HLCS: variants seen among roughly 807,000 people sequenced by gnomAD.
HLCS encodes holocarboxylase synthetase, also known as biotin--protein ligase.
In HLCS, 53 loss-of-function variants were observed where a neutral mutation model predicts 75.0. That is an observed-to-expected ratio of 0.71 (90% CI 0.57 to 0.89). The LOEUF (loss-of-function observed/expected upper bound fraction) is 0.89, where lower values mean the gene tolerates loss of function less well. Ranked by LOEUF, HLCS falls within the 40% of genes least tolerant of loss-of-function variation. The probability of loss-of-function intolerance (pLI) is 0.00; values close to 1 mark genes in which losing one functional copy is unlikely to be tolerated. For synonymous variants in HLCS, 431 were observed against 428.6 expected (o/e 1.01, Z -0.07); for missense variants, 966 against 1,074.0 (o/e 0.90, Z 1.41).
intron 6 of HLCS, among the ~76,000 whole-genome samples, chr21:36,797,135 G>C (rs2061050777): frequency 6.6e-6 from 1 of 152,092 alleles, no homozygotes; most frequent in South Asian, 2.1e-4. Flanking sequence ...TCAAAGTGCT[G>C]GGATTACAGG....
At chr21:36,829,553 A>G (rs2062125947) in intron 6 of HLCS, among the ~76,000 whole-genome samples, 2 of 152,246 alleles carry the variant, frequency 1.3e-5, no homozygotes, top group African/African-American at 4.8e-5. Context: ...ATATTAATAT[A>G]CTATACAGAT....
intron 1 of HLCS, among the ~76,000 whole-genome samples, chr21:36,962,927 T>G (rs1043017328): frequency 1.3e-5 from 2 of 152,152 alleles, no homozygotes; most frequent in African/African-American, 2.4e-5. Flanking sequence ...CACCAGGCAG[T>G]TTTTCTTTAC....
intron 6 of HLCS, among the ~76,000 whole-genome samples, chr21:36,778,836 C>G (rs545407810): frequency 6.6e-6 from 1 of 152,300 alleles, no homozygotes; most frequent in South Asian, 2.1e-4. Flanking sequence ...TTCAGTCTGG[C>G]TCCTGGGTCT....
intron 6 of HLCS, among the ~76,000 whole-genome samples, chr21:36,784,374 G>A (rs1017254206): frequency 4.0e-5 from 6 of 149,322 alleles, no homozygotes; most frequent in African/African-American, 1.5e-4. Flanking sequence ...GGAGTGCAGC[G>A]GCACTATCTC....
intron 2 of HLCS, among the ~76,000 whole-genome samples, chr21:36,941,994 C>T (rs1397139929): frequency 6.7e-6 from 1 of 150,274 alleles, no homozygotes; most frequent in East Asian, 2.0e-4. Context: ...GCAATGAGAG[C>T]GAAACTGTCT....
At chr21:36,861,341 G>A (rs974503384) in intron 6 of HLCS, among the ~76,000 whole-genome samples, 8 of 152,062 alleles carry the variant, frequency 5.3e-5, no homozygotes, top group African/African-American at 9.7e-5. Context: ...GGTGCTTCCA[G>A]ATATGGAAAT....
chr21:36,758,264 G>A (rs1217430430), intron 9 of HLCS, among the ~76,000 whole-genome samples: 4 of 151,770 alleles, frequency 2.6e-5, no homozygotes, highest in African/African-American at 4.8e-5. Context: ...GCACCACCAC[G>A]CCCAGCTAAT....
intron 6 of HLCS, among the ~76,000 whole-genome samples, chr21:36,885,070 A>T (rs1187625560): frequency 6.6e-6 from 1 of 152,248 alleles, no homozygotes; most frequent in Admixed American, 6.5e-5. Context: ...AAACACAAAC[A>T]TGGACAACTG....
At chr21:36,872,407 C>A (rs2063804234) in intron 6 of HLCS, among the ~76,000 whole-genome samples, 1 of 146,780 alleles carries the variant, frequency 6.8e-6, no homozygotes, top group Non-Finnish European at 1.5e-5. Flanking sequence ...AAAAAAAAAA[C>A]TTCAGCTGCA....
At chr21:36,898,567 G>T (rs1014293285) in intron 5 of HLCS, among the ~76,000 whole-genome samples, 3 of 151,984 alleles carry the variant, frequency 2.0e-5, no homozygotes, top group African/African-American at 4.8e-5. Flanking sequence ...GTGGAGATGG[G>T]GTGGGGACAC....
chr21:36,812,570 AGTTT>A (rs912196010), intron 6 of HLCS, among the ~76,000 whole-genome samples: 17 of 152,214 alleles, frequency 1.1e-4, no homozygotes, highest in African/African-American at 4.8e-5. Flanking sequence ...ATTTTGACTT[AGTTT>A]GTTTAAATTG....
chr21:36,943,987 C>G (rs1024111254), intron 2 of HLCS: 2 of 152,132 alleles, frequency 1.3e-5, no homozygotes, highest in African/African-American at 4.8e-5. Flanking sequence ...TATAGACCAC[C>G]CCAGTGGCCC....
intron 5 of HLCS, among the ~76,000 whole-genome samples, chr21:36,925,322 C>T (rs1347594178): frequency 6.6e-6 from 1 of 152,170 alleles, no homozygotes; most frequent in Non-Finnish European, 1.5e-5. Flanking sequence ...GTCCAGCCGG[C>T]TTGTGTTTCT....
At chr21:36,859,831 C>A (rs753994950) in intron 6 of HLCS, among the ~76,000 whole-genome samples, 1 of 152,212 alleles carries the variant, frequency 6.6e-6, no homozygotes, top group Non-Finnish European at 1.5e-5. Flanking sequence ...AAGCCTTCAG[C>A]AGCAATGCTG....
chr21:36,960,371 C>T (rs412162), intron 2 of HLCS, among the ~76,000 whole-genome samples: 16,087 of 152,082 alleles, frequency 0.11, 1,071 homozygotes, highest in Non-Finnish European at 0.14. Context: ...TTAGGGGTAA[C>T]GTTTATAAAA....
chr21:36,972,946 T>C (rs986134288), intron 1 of HLCS, among the ~76,000 whole-genome samples: 5 of 152,162 alleles, frequency 3.3e-5, no homozygotes, highest in African/African-American at 1.2e-4. Context: ...GCAGACACAG[T>C]GGCTCATGCC....
intron 6 of HLCS, among the ~76,000 whole-genome samples, chr21:36,827,740 G>A (rs974231075): frequency 6.6e-6 from 1 of 151,786 alleles, no homozygotes; most frequent in African/African-American, 2.4e-5. Flanking sequence ...GACCTTTAGG[G>A]ATTTTCTTTA....
intron 4 of HLCS, among the ~76,000 whole-genome samples, chr21:36,933,532 T>G (rs1281817956): frequency 9.2e-6 from 1 of 108,942 alleles, no homozygotes; most frequent in African/African-American, 3.8e-5. Flanking sequence ...TCCTAGGCAG[T>G]AAGAATGAAA....
chr21:36,975,330 G>T (rs576225267), intron 1 of HLCS, among the ~76,000 whole-genome samples: 1 of 151,984 alleles, frequency 6.6e-6, no homozygotes, highest in African/African-American at 2.4e-5. Flanking sequence ...GTCTCACATG[G>T]TCCCTTCTTT....
Sources: gnomAD v4.1 joint callset for allele counts (sites outside exome capture counted in the v4.1 genomes callset) on GRCh38, gnomAD v4.1.1 for gene constraint, MANE v1.5 for transcripts, NCBI Gene and HGNC (gene_info 2026-07-23, HGNC 2026-07-21) for gene names.